Variants in ENHO observed in about 807,000 individuals in gnomAD.
The protein encoded by ENHO is energy homeostasis associated, also known as adropin.
In ENHO, 5 loss-of-function variants were observed where a neutral mutation model predicts 4.1. The observed-to-expected ratio is 1.23, with a 90% CI of 0.64 to 2.58. The LOEUF is 2.58. Ranked by LOEUF, ENHO falls within the 30% of genes most tolerant of loss-of-function variation. The pLI is 0.01. For missense variants in ENHO, 86 were observed against 97.7 expected, an observed-to-expected ratio of 0.88 and a Z score of 0.51; for synonymous variants, 45 against 42.9, an observed-to-expected ratio of 1.05 and a Z score of -0.19.
Position 34,521,624 on chromosome 9 carries a change from C to T in ENHO, c.72G>A (p.Leu24=), listed in dbSNP as rs1228796075. Residue 24 remains leucine, a synonymous_variant, in exon 2 of 2, where the codon CTG becomes CTA. Transcript: ENST00000399775. Reference sequence around the variant, plus strand: ...CCCAGCAGAGGATGACCCAGAGCAGCAGCAGCAAGAAGCCCACGAGACCGT... The same window carrying T: ...CCCAGCAGAGGATGACCCAGAGCAGTAGCAGCAAGAAGCCCACGAGACCGT... ...VCNGLVGFLL[L]LLWVILCWAC... The T allele has an allele frequency of 1.9e-6, 3 of 1,614,012 alleles. No individual in the cohort carries two copies. The South Asian group carries it at 3.3e-5, about 18-fold the overall frequency.
rs1431569434 is a variant in ENHO, at chr9:34,522,029, G to C, written c.-161-173C>G. On this transcript the variant is annotated intron_variant, in intron 1 of 1. Coordinates refer to ENST00000399775, the MANE Select transcript of ENHO (RefSeq NM_198573.3). The surrounding 1 kb of genome is among the most constrained non-coding windows in gnomAD (Gnocchi z 4.2). ...CACAGAGCCATCACCCCCATCCACA[G>C]GCTTGGTTCTGGCCACCTGAATGAG... Among the ~76,000 whole-genome samples the C allele has an allele frequency of 6.6e-6, 1 of 152,200 alleles. No homozygotes were observed. The highest frequency in any genetic ancestry group is 1.9e-4 in the East Asian group (1 of 5,190).
At position 34,521,336 on chromosome 9, in the gene ENHO, G is replaced by A. The variant is rs746789461; in HGVS notation, c.*129C>T. The A allele has an allele frequency of 7.8e-6, 7 of 893,644 alleles. No individual in the cohort carries two copies. The highest frequency in any genetic ancestry group is 6.0e-5 in the Admixed American group (3 of 50,402). 55.4% of individuals were successfully genotyped at this position (893,644 alleles called of 1,614,324 possible). A position where few individuals can be genotyped will look rare whatever the true frequency, so the allele number is the denominator to read the frequency against. On this transcript the variant is annotated 3_prime_UTR_variant, in exon 2 of 2. Transcript: ENST00000399775. ...AGCCAAGCTGGCTAGACTCTGGGCCGCTGGGTCCAGCTCCAAGCAGGCGGA... is the reference window on the plus strand; with the variant it reads ...AGCCAAGCTGGCTAGACTCTGGGCCACTGGGTCCAGCTCCAAGCAGGCGGA...
At position 34,521,566 on chromosome 9, in the gene ENHO, G is replaced by A. The variant is rs751596063; in HGVS notation, c.130C>T (p.Leu44Phe). 3 of 1,614,070 alleles carry A rather than the reference G, an allele frequency of 1.9e-6. No individual in the cohort carries two copies. Among genetic ancestry groups the A allele is most frequent in the African/African-American group, 1.3e-5 (1 of 75,058 alleles). ...CTGGAGTTGGGACTGGATTCAGAGA[G>A]AGAGTCAACGTCGGCAGAGCGAGAA... is the stretch of plus-strand genomic sequence containing the variant. Reference protein sequence around the residue: ...CHSRSADVDSLSESSPNSSPG... With the variant: ...CHSRSADVDSFSESSPNSSPG... Residue 44 changes from leucine (L) to phenylalanine (F), a missense_variant, in exon 2 of 2, where the codon CTC (leucine) becomes TTC (phenylalanine). Physicochemically the swap from Leu to Phe is conservative, Grantham distance 22. Transcript: ENST00000399775.
At position 34,521,329 on chromosome 9, in the gene ENHO, C is replaced by T. The variant is rs1477238135; in HGVS notation, c.*136G>A. 1 of 850,444 alleles carries T rather than the reference C, an allele frequency of 1.2e-6. No individual in the cohort carries two copies. The highest frequency in any genetic ancestry group is 1.9e-6 in the Non-Finnish European group (1 of 519,146). 52.7% of individuals were successfully genotyped at this position (850,444 alleles called of 1,614,324 possible). ...CTATTGGAGCCAAGCTGGCTAGACT[C>T]TGGGCCGCTGGGTCCAGCTCCAAGC... On this transcript the variant is annotated 3_prime_UTR_variant, in exon 2 of 2. Coordinates refer to ENST00000399775, the MANE Select transcript of ENHO (RefSeq NM_198573.3).
At chr9:34,521,922 G>C (rs1825287492) in intron 1 of ENHO, 66 bp from the exon 2 acceptor site, 4 of 573,426 alleles carry the variant, frequency 7.0e-6, no homozygotes, top group Non-Finnish European at 1.3e-5. Context: ...CCTAGGAGGA[G>C]AGAGGTAGGG....
chr9:34,521,702 C>T lies in ENHO; in HGVS notation c.-7G>A. On this transcript the variant is annotated 5_prime_UTR_variant, in exon 2 of 2. Transcript: ENST00000399775. ...GGGAGATGGCTGCCCCCATGACAGG[C>T]AGCACCCTCAGACCAGCACAGACAG... is the stretch of plus-strand genomic sequence containing the variant. The T allele has an allele frequency of 6.2e-7, 1 of 1,610,176 alleles. No individual in the cohort carries two copies. Among genetic ancestry groups the T allele is most frequent in the East Asian group, 2.2e-5 (1 of 44,768 alleles).
Position 34,521,218 on chromosome 9 carries a change from G to C in ENHO, c.*247C>G. 1.6e-6 allele frequency: 1 copy of C among 628,506 alleles called. No individual in the cohort carries two copies. Among genetic ancestry groups the C allele is most frequent in the South Asian group, 1.7e-5 (1 of 58,578 alleles). 38.9% of individuals were successfully genotyped at this position (628,506 alleles called of 1,614,324 possible). Reference sequence around the variant, plus strand: ...CCGGCCCCTGACCCTTGGCCCTTGGGATGGAGCATAGTCCAGATGGCCCTG... The same window carrying C: ...CCGGCCCCTGACCCTTGGCCCTTGGCATGGAGCATAGTCCAGATGGCCCTG... On this transcript the variant is annotated 3_prime_UTR_variant, in exon 2 of 2. Transcript: ENST00000399775.
At position 34,521,840 on chromosome 9, in the gene ENHO, T is replaced by A. The variant is rs916335842; in HGVS notation, c.-145A>T. 8 of 693,254 alleles carry A rather than the reference T, an allele frequency of 1.2e-5. No homozygotes were observed. Among genetic ancestry groups the A allele is most frequent in the East Asian group, 8.2e-5 (3 of 36,668 alleles). The allele number at this position is 693,254 out of a possible 1,614,324, so 42.9% of individuals were successfully genotyped here. ...GTGATTCCTGGGCAGTGGAGATGTC[T>A]ACCTGCAGTCCTGAGCCTGTTGGGG... On this transcript the variant is annotated 5_prime_UTR_variant, in exon 2 of 2. Transcript: ENST00000399775.
rs770996356 is a variant in ENHO, at chr9:34,521,579, G to C, written c.117C>G (p.Ala39=). ...TGGATTCAGAGAGAGAGTCAACGTC[G>C]GCAGAGCGAGAATGGCAGGCCCAGC... is the stretch of plus-strand genomic sequence containing the variant. ...ILCWACHSRS[A]DVDSLSESSP... is the part of the protein sequence containing the mutation. Residue 39 remains alanine, a synonymous_variant, in exon 2 of 2, where the codon GCC becomes GCG. Coordinates refer to ENST00000399775, the MANE Select transcript of ENHO (RefSeq NM_198573.3). 4 of 1,613,932 alleles carry C rather than the reference G, an allele frequency of 2.5e-6. No homozygotes were observed. Among genetic ancestry groups the C allele is most frequent in the Non-Finnish European group, 3.4e-6 (4 of 1,180,046 alleles).
chr9:34,522,919 C>T lies in ENHO; in HGVS notation c.-304G>A, dbSNP rs912507692. The T allele has an allele frequency of 6.6e-6, 1 of 151,126 alleles. No homozygotes were observed. Among genetic ancestry groups the T allele is most frequent in the Non-Finnish European group, 1.5e-5 (1 of 67,568 alleles). 9.4% of individuals were successfully genotyped at this position (151,126 alleles called of 1,614,324 possible). ...CGACGTCCGCTCCCCCGGCCCTCCC[C>T]CTCGGCCGCGCAGCCTCCACCGGCC... On this transcript the variant is annotated 5_prime_UTR_variant, in exon 1 of 2. Coordinates refer to ENST00000399775, the MANE Select transcript of ENHO (RefSeq NM_198573.3). This position sits in a 1 kb window ranked among gnomAD's most constrained non-coding sequence, Gnocchi z 4.2.
Position 34,521,207 on chromosome 9 carries a change from T to C in ENHO, c.*258A>G. On this transcript the variant is annotated 3_prime_UTR_variant, in exon 2 of 2. Coordinates refer to ENST00000399775, the MANE Select transcript of ENHO (RefSeq NM_198573.3). The stretch of plus-strand genomic sequence containing the variant: ...AAAGAGTGGACCCGGCCCCTGACCC[T>C]TGGCCCTTGGGATGGAGCATAGTCC... 1.6e-6 allele frequency: 1 copy of C among 607,156 alleles called. No homozygotes were observed. The highest frequency in any genetic ancestry group is 3.0e-6 in the Non-Finnish European group (1 of 336,234). The allele number at this position is 607,156 out of a possible 1,614,324, so 37.6% of individuals were successfully genotyped here.
chr9:34,521,662 C>T lies in ENHO; in HGVS notation c.34G>A (p.Ala12Thr). The T allele has an allele frequency of 4.3e-6, 7 of 1,613,912 alleles. No individual in the cohort carries two copies. Among genetic ancestry groups the T allele is most frequent in the South Asian group, 1.1e-5 (1 of 91,074 alleles). ...CCCACGAGACCGTTGCAGACGATGG[C>T]GATGAGGGCCCCCTGGGAGATGGCT... is the stretch of plus-strand genomic sequence containing the variant. ...GAAISQGALI[A>T]IVCNGLVGFL... Residue 12 changes from alanine to threonine, a missense_variant, in exon 2 of 2, where the codon GCC becomes ACC. Physicochemically the swap from Ala to Thr is moderately conservative, Grantham distance 58. Coordinates refer to ENST00000399775, the MANE Select transcript of ENHO (RefSeq NM_198573.3).
rs1156643180 is a variant in ENHO at position 34,521,441 on chromosome 9, G to T, written c.*24C>A. On this transcript the variant is annotated 3_prime_UTR_variant, in exon 2 of 2. Coordinates refer to ENST00000399775, the MANE Select transcript of ENHO (RefSeq NM_198573.3). Reference sequence around the variant, plus strand: ...CTAGGTGAGGTGGACTTAGGTCCTGGGCTCCAGGCTAGGCCAGGGGCCTTC... The same window carrying T: ...CTAGGTGAGGTGGACTTAGGTCCTGTGCTCCAGGCTAGGCCAGGGGCCTTC... 8 of 1,598,352 alleles carry T rather than the reference G, an allele frequency of 5.0e-6. No homozygotes were observed. The highest frequency in any genetic ancestry group is 6.8e-6 in the Non-Finnish European group (8 of 1,169,720).
rs1825289375 is a variant in ENHO, at chr9:34,522,082, T to G, written c.-161-226A>C. On this transcript the variant is annotated intron_variant, in intron 1 of 1. Coordinates refer to ENST00000399775, the MANE Select transcript of ENHO (RefSeq NM_198573.3). This position sits in a 1 kb window ranked among gnomAD's most constrained non-coding sequence, Gnocchi z 4.2. ...TGTAGCCACCGTGGGGAAGCTGCAG[T>G]AGGCAGCCGTCATCTCATTCTCCTT... Among the ~76,000 whole-genome samples the G allele has an allele frequency of 6.6e-6, 1 of 152,130 alleles. No homozygotes were observed.
rs1326239317 is a variant in ENHO at position 34,521,265 on chromosome 9, C to T, written c.*200G>A. On this transcript the variant is annotated 3_prime_UTR_variant, in exon 2 of 2. Transcript: ENST00000399775. ...CCTGGCTCTAGCACCAACTCATAAG[C>T]CCCCACCCCAGGCCCATCTCCTTAG... 2 of 696,410 alleles carry T rather than the reference C, an allele frequency of 2.9e-6. No individual in the cohort carries two copies. The highest frequency in any genetic ancestry group is 5.2e-6 in the Non-Finnish European group (2 of 385,004). 43.1% of individuals were successfully genotyped at this position (696,410 alleles called of 1,614,324 possible).
rs1398449459 is a variant in ENHO at position 34,522,708 on chromosome 9, G to A, written c.-162+69C>T. On this transcript the variant is annotated intron_variant, in intron 1 of 1. Transcript: ENST00000399775. The surrounding 1 kb of genome is among the most constrained non-coding windows in gnomAD (Gnocchi z 4.2). ...TCTCTCTCCGCGGCAGTGTGTCTCT[G>A]TCTCTTTATCTCCATCTTCGGGTCG... 2.0e-5 allele frequency: 3 copies of A among 152,846 alleles called. No homozygotes were observed. Among genetic ancestry groups the A allele is most frequent in the Non-Finnish European group, 4.4e-5 (3 of 68,186 alleles). 9.5% of individuals were successfully genotyped at this position (152,846 alleles called of 1,614,324 possible).
At chr9:34,521,931 G>C in intron 1 of ENHO, 75 bp from the exon 2 acceptor site, 1 of 554,966 alleles carries the variant, frequency 1.8e-6, no homozygotes, top group Non-Finnish European at 3.3e-6. Flanking sequence ...AGAGAGGTAG[G>C]GAAGAGAGCC....
chr9:34,521,390 G>T lies in ENHO; in HGVS notation c.*75C>A. The T allele has an allele frequency of 7.2e-7, 1 of 1,387,166 alleles. No individual in the cohort carries two copies. Among genetic ancestry groups the T allele is most frequent in the Non-Finnish European group, 1.0e-6 (1 of 987,896 alleles). 85.9% of individuals were successfully genotyped at this position (1,387,166 alleles called of 1,614,324 possible). A position where few individuals can be genotyped will look rare whatever the true frequency, so the allele number is the denominator to read the frequency against. On this transcript the variant is annotated 3_prime_UTR_variant, in exon 2 of 2. Coordinates refer to ENST00000399775, the MANE Select transcript of ENHO (RefSeq NM_198573.3). ...TTGAGTTCTGGACCCCAGGCTGGCT[G>T]AACTCTGGGATCCTAATTCCAGGCT...
At position 34,522,346 on chromosome 9, in the gene ENHO, C is replaced by CT. The variant is rs1210855694; in HGVS notation, c.-162+430dup. On this transcript the variant is annotated intron_variant, in intron 1 of 1. Transcript: ENST00000399775. The surrounding 1 kb of genome is among the most constrained non-coding windows in gnomAD (Gnocchi z 4.2). ...AGGCCCTGGCAGGCATGTGCAGGCT[C>CT]TGTGCGTCCAGGGCTGTGTGCCTCT... The CT allele has an allele frequency of 6.5e-6, 1 of 152,782 alleles. No homozygotes were observed. Among genetic ancestry groups the CT allele is most frequent in the Non-Finnish European group, 1.5e-5 (1 of 68,456 alleles). The allele number at this position is 152,782 out of a possible 1,614,324, so 9.5% of individuals were successfully genotyped here.
Sources: gnomAD v4.1 joint callset for allele counts (sites outside exome capture counted in the v4.1 genomes callset) on GRCh38, gnomAD v4.1.1 for gene constraint, Gnocchi (gnomAD v3.1) non-coding constraint, MANE v1.5 for transcripts, NCBI Gene and HGNC (gene_info 2026-07-23, HGNC 2026-07-21) for gene names.